Variants in RBFOX3 observed in about 807,000 individuals in gnomAD.
The protein encoded by RBFOX3 is RNA binding protein fox-1 homolog 3.
RBFOX3 carries 17 observed loss-of-function variants against 48.7 expected under a neutral mutation model. The observed-to-expected ratio is 0.35, with a 90% confidence interval of 0.24 to 0.52. The LOEUF is 0.52. RBFOX3 is among the 20% of genes least tolerant of loss of function. RBFOX3 has a pLI of 0.94. For missense variants in RBFOX3, 382 were observed against 497.5 expected, an observed-to-expected ratio of 0.77 and a Z score of 2.21; for synonymous variants, 212 against 209.5, an observed-to-expected ratio of 1.01 and a Z score of -0.10.
upstream of RBFOX3, among the ~76,000 whole-genome samples, chr17:79,613,360 C>T (rs2093982229): frequency 6.6e-6 from 1 of 152,212 alleles, no homozygotes; most frequent in African/African-American, 2.4e-5. Context: ...ATTACCAGCC[C>T]CAGAGAGTTT....
In RBFOX3 at chr17:79,115,450, C is replaced by T. The variant is rs575233819; in HGVS notation, c.222+44G>A. 20 of 1,235,556 alleles carry T rather than the reference C, an allele frequency of 1.6e-5. No individual in the cohort carries two copies. In the South Asian group the frequency reaches 4.3e-4, roughly 27 times the overall value. The allele number at this position is 1,235,556 out of a possible 1,614,324, so 76.5% of individuals were successfully genotyped here. Reference sequence around the variant, plus strand: ...ACCCTTCTTCTGGGTGGGTGCTCCTCCCTGAAGCTCCAGGGCTGGGCCTGG... The same window carrying T: ...ACCCTTCTTCTGGGTGGGTGCTCCTTCCTGAAGCTCCAGGGCTGGGCCTGG... On this transcript the variant is annotated intron_variant, in intron 5 of 14. Coordinates refer to ENST00000693108, the MANE Select transcript of RBFOX3 (RefSeq NM_001350451.2).
intron 4 of RBFOX3, among the ~76,000 whole-genome samples, chr17:79,120,732 GGATGGATGGACA>G (rs1346663856): frequency 1.3e-5 from 2 of 151,218 alleles, no homozygotes; most frequent in African/African-American, 4.9e-5. Context: ...GTGGGTGGGT[GGATGGATGGACA>G]GATGGATAAA....
chr17:79,322,564 A>G (rs2078689506), intron 2 of RBFOX3, among the ~76,000 whole-genome samples: 1 of 152,184 alleles, frequency 6.6e-6, no homozygotes, highest in African/African-American at 2.4e-5. Flanking sequence ...AAGATGGAAC[A>G]TGTGTCACGC....
chr17:79,530,521 G>T (rs1394511599), intron 1 of RBFOX3, among the ~76,000 whole-genome samples: 2 of 152,132 alleles, frequency 1.3e-5, no homozygotes, highest in African/African-American at 2.4e-5. Context: ...TTGAGGCCGT[G>T]ATGGAATCCA....
chr17:79,539,773 G>A (rs149841143), intron 1 of RBFOX3, among the ~76,000 whole-genome samples: 9 of 152,276 alleles, frequency 5.9e-5, no homozygotes, highest in East Asian at 1.9e-4. Flanking sequence ...GACTAAGAAC[G>A]TCATTTCAAA....
chr17:79,158,440 G>C (rs1306559678), intron 4 of RBFOX3, among the ~76,000 whole-genome samples: 4 of 152,210 alleles, frequency 2.6e-5, no homozygotes, highest in African/African-American at 9.7e-5. Flanking sequence ...GCCTGGAGCA[G>C]GCTGAGCAGG....
chr17:79,656,777 G>GAGA, the RBFOX3 span, among the ~76,000 whole-genome samples: 2 of 101,366 alleles, frequency 2.0e-5, no homozygotes, highest in African/African-American at 4.8e-5. Context: ...AAGGAAGGAA[G>GAGA]GAAAGAAAGA....
intron 4 of RBFOX3, among the ~76,000 whole-genome samples, chr17:79,160,297 TG>T (rs541219121): frequency 6.6e-6 from 1 of 152,294 alleles, no homozygotes; most frequent in South Asian, 2.1e-4. Flanking sequence ...GGGGTGGACC[TG>T]GGGGCCATGC....
At chr17:79,396,940 A>G (rs1484358485) in intron 2 of RBFOX3, among the ~76,000 whole-genome samples, 1 of 152,254 alleles carries the variant, frequency 6.6e-6, no homozygotes, top group Non-Finnish European at 1.5e-5. Context: ...GAAGTCTGCA[A>G]GGAGAACGAA....
intron 4 of RBFOX3, among the ~76,000 whole-genome samples, chr17:79,139,568 G>C (rs370397171): frequency 9.5e-4 from 145 of 152,342 alleles, no homozygotes; most frequent in African/African-American, 3.2e-3. Flanking sequence ...GGCCGGAACT[G>C]GGCAGGCAGG....
the RBFOX3 span, among the ~76,000 whole-genome samples, chr17:79,647,933 C>A: frequency 2.0e-5 from 3 of 151,970 alleles, no homozygotes; most frequent in African/African-American, 7.2e-5. Flanking sequence ...GGACACAGAG[C>A]CCACCTGGGG....
chr17:79,433,561 G>A (rs1175676515), intron 2 of RBFOX3, among the ~76,000 whole-genome samples: 2 of 152,180 alleles, frequency 1.3e-5, no homozygotes, highest in East Asian at 3.9e-4. Flanking sequence ...TTGGACCTCT[G>A]TCGTGGCTGG....
At chr17:79,351,909 A>T (rs1276575892) in intron 2 of RBFOX3, among the ~76,000 whole-genome samples, 1 of 151,958 alleles carries the variant, frequency 6.6e-6, no homozygotes, top group Non-Finnish European at 1.5e-5. Flanking sequence ...CCTCCTTGAC[A>T]TTTGTTTTCC....
chr17:79,595,187 C>T (rs2093535694), intron 1 of RBFOX3, among the ~76,000 whole-genome samples: 1 of 151,786 alleles, frequency 6.6e-6, no homozygotes, highest in Non-Finnish European at 1.5e-5. Context: ...TGTGCCGAGG[C>T]TGACCATAAT....
the RBFOX3 span, among the ~76,000 whole-genome samples, chr17:79,661,156 T>C: frequency 6.6e-6 from 1 of 152,132 alleles, no homozygotes; most frequent in Non-Finnish European, 1.5e-5. Flanking sequence ...TCAGGAAGAA[T>C]AGCTAATGGA....
intron 3 of RBFOX3, among the ~76,000 whole-genome samples, chr17:79,279,867 G>T (rs2069844134): frequency 1.3e-5 from 2 of 152,186 alleles, no homozygotes; most frequent in South Asian, 4.1e-4. Context: ...TGTTGTCTAG[G>T]GAGGAACAAC....
intron 5 of RBFOX3, among the ~76,000 whole-genome samples, chr17:79,110,478 T>C (rs187567519): frequency 6.6e-6 from 1 of 152,300 alleles, no homozygotes; most frequent in African/African-American, 2.4e-5. Flanking sequence ...CCGGTGGCTG[T>C]TGTTGGCACG....
intron 1 of RBFOX3, among the ~76,000 whole-genome samples, chr17:79,583,979 G>A (rs2093159721): frequency 2.0e-5 from 3 of 152,184 alleles, no homozygotes; most frequent in East Asian, 1.9e-4. Context: ...CCCAGCCTCC[G>A]CCTTGTACAA....
intron 3 of RBFOX3, among the ~76,000 whole-genome samples, chr17:79,279,515 C>T (rs959250837): frequency 9.2e-5 from 14 of 152,284 alleles, no homozygotes; most frequent in Admixed American, 3.9e-4. Flanking sequence ...GTTGTGGGCA[C>T]GTGGCAGATG....
Sources: allele counts gnomAD v4.1 joint callset (sites outside exome capture counted in the v4.1 genomes callset), GRCh38; gene constraint gnomAD v4.1.1; transcripts MANE v1.5; gene names NCBI Gene and HGNC (gene_info 2026-07-23, HGNC 2026-07-21).